The following SND1 variants were observed in gnomAD, a reference collection of about 807,000 sequenced individuals.
SND1 encodes staphylococcal nuclease and tudor domain containing 1, also known as staphylococcal nuclease domain-containing protein 1.
In SND1, 38 loss-of-function variants were observed where a neutral mutation model predicts 121.7. That is an observed-to-expected ratio of 0.31 (90% CI 0.24 to 0.41). SND1 has a LOEUF of 0.41. Among genes scored for constraint, SND1 ranks in the 10% least tolerant of loss-of-function variants. The pLI, the probability that SND1 is intolerant of heterozygous loss-of-function variation, is 1.00. For synonymous variants in SND1, 401 were observed against 447.4 expected (o/e 0.90, Z 1.31); for missense variants, 868 against 1,184.6 (o/e 0.73, Z 3.92).
At chr7:127,904,547 C>T (rs1019897125) in intron 13 of SND1, 200 bp from the exon 14 acceptor site, 4 of 431,360 alleles carry the variant, frequency 9.3e-6, no homozygotes, top group Non-Finnish European at 1.7e-5. Flanking sequence ...GGTAACAGGG[C>T]TTAAGAGAAG....
At chr7:127,744,230 C>T (rs1796937102) in intron 10 of SND1, among the ~76,000 whole-genome samples, 1 of 151,704 alleles carries the variant, frequency 6.6e-6, no homozygotes, top group African/African-American at 2.4e-5. Flanking sequence ...TATTTAGGCT[C>T]CTGGTTTTTA....
intron 18 of SND1, 96 bp from the exon 19 acceptor site, chr7:128,084,628 A>T: frequency 7.3e-7 from 1 of 1,376,932 alleles, no homozygotes; most frequent in Non-Finnish European, 9.7e-7. Flanking sequence ...CCAGAATTTT[A>T]CATTGAGCTC....
At chr7:127,838,349 C>T (rs1798904616) in intron 11 of SND1, among the ~76,000 whole-genome samples, 1 of 152,186 alleles carries the variant, frequency 6.6e-6, no homozygotes, top group Non-Finnish European at 1.5e-5. Flanking sequence ...TCTCAGAACT[C>T]ATCGTACTTA....
intron 16 of SND1, among the ~76,000 whole-genome samples, chr7:128,034,880 C>A (rs1262322072): frequency 6.6e-6 from 1 of 152,352 alleles, no homozygotes; most frequent in South Asian, 2.1e-4. Flanking sequence ...ACCCAAGTAC[C>A]ATCTAGCTAT....
At chr7:128,036,740 C>T (rs1792757876) in intron 16 of SND1, among the ~76,000 whole-genome samples, 1 of 152,202 alleles carries the variant, frequency 6.6e-6, no homozygotes, top group South Asian at 2.1e-4. Flanking sequence ...ACTCTGCCTC[C>T]TCTTTTGGAA....
chr7:127,661,554 A>G (rs2116235322), intron 1 of SND1, among the ~76,000 whole-genome samples: 1 of 152,264 alleles, frequency 6.6e-6, no homozygotes, highest in Non-Finnish European at 1.5e-5. Context: ...TGATCTACTC[A>G]ATGGTCTTAG....
At chr7:127,938,387 C>T (rs886630117) in intron 15 of SND1, among the ~76,000 whole-genome samples, 6 of 152,112 alleles carry the variant, frequency 3.9e-5, no homozygotes, top group African/African-American at 1.2e-4. Flanking sequence ...ATCTTTTAGT[C>T]TAGTTATGTA....
At chr7:127,766,782 A>T (rs886818869) in intron 10 of SND1, among the ~76,000 whole-genome samples, 2 of 148,098 alleles carry the variant, frequency 1.4e-5, no homozygotes, top group African/African-American at 5.0e-5. Flanking sequence ...AAAAAAAAAA[A>T]AAAAAAAAAA....
At chr7:127,916,026 G>GTC (rs1351126733) in intron 14 of SND1, among the ~76,000 whole-genome samples, 1 of 136,530 alleles carries the variant, frequency 7.3e-6, no homozygotes, top group Non-Finnish European at 1.6e-5. Context: ...GTGTGTGTGT[G>GTC]TGTGTGTTTA....
intron 16 of SND1, among the ~76,000 whole-genome samples, chr7:128,041,096 C>T (rs2117006816): frequency 6.6e-6 from 1 of 152,046 alleles, no homozygotes; most frequent in East Asian, 1.9e-4. Context: ...ACTCTTCATC[C>T]CACCCCTTCC....
chr7:127,691,598 A>G (rs1403883160), intron 2 of SND1, among the ~76,000 whole-genome samples: 1 of 151,978 alleles, frequency 6.6e-6, no homozygotes, highest in Non-Finnish European at 1.5e-5. Context: ...AAATAAAAAA[A>G]TAAATATTTT....
At position 127,686,611 on chromosome 7, in the gene SND1, A is replaced by C; in HGVS notation, c.79-2A>C. On this transcript the variant is annotated splice_acceptor_variant, in intron 1 of 23. Transcript: ENST00000354725. LOFTEE classifies it high-confidence loss of function. ...CATTTTCTCTTTCTTCCCCCTACGT[A>C]GGTCCTCTCAGGGTGCGCCATCATT... is the stretch of plus-strand genomic sequence containing the variant. The C allele has an allele frequency of 6.2e-7, 1 of 1,613,398 alleles. No individual in the cohort carries two copies. Among genetic ancestry groups the C allele is most frequent in the Non-Finnish European group, 8.5e-7 (1 of 1,179,552 alleles).
At chr7:127,918,540 C>A (rs1177740335) in intron 14 of SND1, among the ~76,000 whole-genome samples, 2 of 151,988 alleles carry the variant, frequency 1.3e-5, no homozygotes, top group Non-Finnish European at 2.9e-5. Flanking sequence ...ATTTCTTTTT[C>A]TTTTAAGTAT....
intron 1 of SND1, among the ~76,000 whole-genome samples, chr7:127,674,174 A>G (rs533682605): frequency 6.6e-6 from 1 of 151,368 alleles, no homozygotes; most frequent in Admixed American, 6.6e-5. Context: ...CCCCACTTGC[A>G]TTTCTGCATT....
At chr7:128,002,107 C>G (rs535447752) in intron 16 of SND1, among the ~76,000 whole-genome samples, 5 of 152,322 alleles carry the variant, frequency 3.3e-5, no homozygotes, top group East Asian at 1.9e-4. Flanking sequence ...TTCACTCCCC[C>G]AGCCTGTCTA....
intron 11 of SND1, among the ~76,000 whole-genome samples, chr7:127,840,179 A>G (rs898227926): frequency 6.6e-6 from 1 of 152,234 alleles, no homozygotes; most frequent in Non-Finnish European, 1.5e-5. Flanking sequence ...AGTAAATGTA[A>G]GGTAGGAAAT....
intron 13 of SND1, among the ~76,000 whole-genome samples, chr7:127,902,208 G>A (rs912112451): frequency 6.6e-6 from 1 of 152,122 alleles, no homozygotes; most frequent in Non-Finnish European, 1.5e-5. Context: ...TCCAGCCCCA[G>A]GAAAGGCCAC....
chr7:127,707,705 A>T, intron 9 of SND1, 58 bp downstream of exon 9: 6 of 1,436,806 alleles, frequency 4.2e-6, no homozygotes, highest in Non-Finnish European at 4.9e-6. Context: ...GAGTAATAAT[A>T]CAAGAATTTG....
intron 16 of SND1, among the ~76,000 whole-genome samples, chr7:128,021,026 C>T (rs185467374): frequency 3.3e-5 from 5 of 152,302 alleles, no homozygotes; most frequent in Admixed American, 3.3e-4. Flanking sequence ...GTTCCTTCAA[C>T]AGTCTCTTCC....
Sources: gnomAD v4.1 joint callset for allele counts (sites outside exome capture counted in the v4.1 genomes callset) on GRCh38, gnomAD v4.1.1 for gene constraint, MANE v1.5 for transcripts, NCBI Gene and HGNC (gene_info 2026-07-23, HGNC 2026-07-21) for gene names.